Variants in TMEM94 observed in about 807,000 individuals in gnomAD.
The protein encoded by TMEM94 is ER Mg2+ ATPase.
Under a neutral mutation model 158.6 loss-of-function variants are expected in TMEM94, and 81 were observed. The observed-to-expected ratio is 0.51, with a 90% CI of 0.43 to 0.61. The LOEUF (loss-of-function observed/expected upper bound fraction) is 0.61, where lower values mean the gene tolerates loss of function less well. Ranked by LOEUF, TMEM94 falls within the 20% of genes least tolerant of loss-of-function variation. The pLI is 0.00. For synonymous variants in TMEM94, 751 were observed against 730.7 expected (o/e 1.03, Z -0.45); for missense variants, 1,435 against 1,762.0 (o/e 0.81, Z 3.32).
Position 75,493,829 on chromosome 17 carries a change from G to T in TMEM94, c.2320G>T (p.Gly774Cys). Residue 774 changes from glycine (G) to cysteine (C), a missense_variant, in exon 18 of 32, where the codon GGC becomes TGC. Physicochemically the swap from Gly to Cys is radical, Grantham distance 159. Around this residue, in one of 3 missense-constraint regions of TMEM94, gnomAD observed 1,051 missense variants for 1,254.4 expected, o/e 0.84. Coordinates refer to ENST00000314256, the MANE Select transcript of TMEM94 (RefSeq NM_014738.6). ...GKCIELVQVP[G>C]QSSIFTMCEL... Reference sequence around the variant, plus strand: ...GTGCATCGAGCTGGTACAGGTGCCCGGCCAAAGCAGCATCTTCACCATGTG... The same window carrying T: ...GTGCATCGAGCTGGTACAGGTGCCCTGCCAAAGCAGCATCTTCACCATGTG... 1 of 1,613,684 alleles carries T rather than the reference G, an allele frequency of 6.2e-7. No homozygotes were observed. Among genetic ancestry groups the T allele is most frequent in the Non-Finnish European group, 8.5e-7 (1 of 1,180,006 alleles).
At position 75,495,078 on chromosome 17, in the gene TMEM94, G is replaced by A; in HGVS notation, c.2728+44G>A. The A allele has an allele frequency of 3.1e-6, 5 of 1,599,052 alleles. No homozygotes were observed. Among genetic ancestry groups the A allele is most frequent in the Middle Eastern group, 1.9e-4 (1 of 5,148 alleles). ...GGTGGGGACGGGGTGGCGGTGGGAG[G>A]ATTCCCCTCCTCAGAGCCACAGCCA... is the stretch of plus-strand genomic sequence containing the variant. On this transcript the variant is annotated intron_variant, in intron 20 of 31. Transcript: ENST00000314256. This position sits in a 1 kb window ranked among gnomAD's most constrained non-coding sequence, Gnocchi z 5.6.
Position 75,493,074 on chromosome 17 carries a change from C to G in TMEM94, c.2058C>G (p.Ile686Met). The change falls in exon 16 of 32, where the codon ATC (isoleucine) becomes ATG (methionine). Residue 686 changes from isoleucine to methionine, a missense_variant. Physicochemically the swap from Ile to Met is conservative, Grantham distance 10. Coordinates refer to ENST00000314256, the MANE Select transcript of TMEM94 (RefSeq NM_014738.6). ...TKRRPPLSHM[I>M]SLFIKDTTTS... ...GGCGGCCTCCCCTCAGCCACATGAT[C>G]AGCCTCTTCATTAAAGACACCACCA... 1.2e-6 allele frequency: 2 copies of G among 1,613,362 alleles called. No homozygotes were observed. Among genetic ancestry groups the G allele is most frequent in the Non-Finnish European group, 1.7e-6 (2 of 1,180,020 alleles).
intron 5 of TMEM94, 34 bp downstream of exon 5, chr17:75,486,460 G>A: frequency 6.2e-7 from 1 of 1,613,916 alleles, no homozygotes; most frequent in Non-Finnish European, 8.5e-7. Flanking sequence ...GGTGGGAAAA[G>A]ATGACCGGAC....
chr17:75,492,303 G>A lies in TMEM94; in HGVS notation c.1597-171G>A. 5 of 1,429,554 alleles carry A rather than the reference G, an allele frequency of 3.5e-6. No homozygotes were observed. The highest frequency in any genetic ancestry group is 4.6e-6 in the Non-Finnish European group (5 of 1,096,742). The allele number at this position is 1,429,554 out of a possible 1,614,324, so 88.6% of individuals were successfully genotyped here. On this transcript the variant is annotated intron_variant, in intron 14 of 31. Transcript: ENST00000314256. The surrounding 1 kb of genome is among the most constrained non-coding windows in gnomAD (Gnocchi z 4.4). ...AGCAGACAGGAGCCCAAGAAGGACA[G>A]GAAGCGGATTTCAGGAGGGAGCGGG... is the stretch of plus-strand genomic sequence containing the variant.
Position 75,498,928 on chromosome 17 carries a change from G to C in TMEM94, c.3844G>C (p.Val1282Leu), listed in dbSNP as rs771258147. 1 of 1,556,840 alleles carries C rather than the reference G, an allele frequency of 6.4e-7. No homozygotes were observed. The highest frequency in any genetic ancestry group is 8.7e-7 in the Non-Finnish European group (1 of 1,151,478). The change falls in exon 31 of 32, where the codon GTC (valine) becomes CTC (leucine). Residue 1282 changes from valine to leucine, a missense_variant. By Grantham distance (32) the Val-to-Leu change is conservative. Around this residue, in one of 3 missense-constraint regions of TMEM94, gnomAD observed 335 missense variants for 409.1 expected, o/e 0.82. Transcript: ENST00000314256. This position sits in a 1 kb window ranked among gnomAD's most constrained non-coding sequence, Gnocchi z 6.7. ...TVPVVLLGQVVQTAVDLQLWT... is the reference protein window; with the variant it reads ...TVPVVLLGQVLQTAVDLQLWT... ...CTCCTGCAGGCTGCTGGGTCAGGTG[G>C]TCCAGACGGCTGTGGACCTGCAGCT... is the stretch of plus-strand genomic sequence containing the variant.
Position 75,496,744 on chromosome 17 carries a change from C to T in TMEM94, c.3258C>T (p.Thr1086=). 1 of 1,613,824 alleles carries T rather than the reference C, an allele frequency of 6.2e-7. No individual in the cohort carries two copies. The highest frequency in any genetic ancestry group is 8.5e-7 in the Non-Finnish European group (1 of 1,179,934). Reference sequence around the variant, plus strand: ...TTGGTCCCTAGGCTCGGCATGCCACCTATGGCATCCGTAAGTGCTTCCTCT... The same window carrying T: ...TTGGTCCCTAGGCTCGGCATGCCACTTATGGCATCCGTAAGTGCTTCCTCT... The part of the protein sequence containing the change: ...IRLIEQARHA[T]YGIRKCFLFL... The change falls in exon 25 of 32, where the codon ACC becomes ACT. Residue 1086 remains threonine (T), a synonymous_variant. Coordinates refer to ENST00000314256, the MANE Select transcript of TMEM94 (RefSeq NM_014738.6).
chr17:75,497,958 G>A, intron 27 of TMEM94, 96 bp downstream of exon 27: 1 of 1,259,298 alleles, frequency 7.9e-7, no homozygotes, highest in South Asian at 1.3e-5. Flanking sequence ...GCTCTGGATG[G>A]GGGATTCCAG....
In TMEM94 at chr17:75,494,388, CT is replaced by C. The variant is rs559341087; in HGVS notation, c.2408-238del. Among the ~76,000 whole-genome samples, 1,388 of 152,338 alleles carry C rather than the reference CT, an allele frequency of 9.1e-3. 13 individuals are homozygous for C. The highest frequency in any genetic ancestry group is 0.013 in the Non-Finnish European group (900 of 68,020). ...TTGCTGAGGGTAGGGCCAGTACCCC[CT>C]GGGCAGGAGCTGAAGCCACGCCTTG... On this transcript the variant is annotated intron_variant, in intron 18 of 31. Coordinates refer to ENST00000314256, the MANE Select transcript of TMEM94 (RefSeq NM_014738.6).
intron 2 of TMEM94, among the ~76,000 whole-genome samples, chr17:75,479,361 C>T (rs543408633): frequency 3.2e-4 from 48 of 151,988 alleles, no homozygotes; most frequent in Admixed American, 3.9e-4. Flanking sequence ...GCTCTGTTGC[C>T]GAAGCTGGAG....
chr17:75,489,430 G>T lies in TMEM94; in HGVS notation c.867+62G>T, dbSNP rs902239971. The T allele has an allele frequency of 1.3e-6, 2 of 1,539,206 alleles. No individual in the cohort carries two copies. The highest frequency in any genetic ancestry group is 1.7e-5 in the Admixed American group (1 of 59,760). ...AGAGGAGAGGGCTGGACACGGGGGG[G>T]TCTCAGGGCCACTCACATGAGCGGG... On this transcript the variant is annotated intron_variant, in intron 8 of 31. Coordinates refer to ENST00000314256, the MANE Select transcript of TMEM94 (RefSeq NM_014738.6). The surrounding 1 kb of genome is among the most constrained non-coding windows in gnomAD (Gnocchi z 5.0).
chr17:75,459,325 G>T (rs1489811499), intron 1 of TMEM94, among the ~76,000 whole-genome samples: 1 of 152,174 alleles, frequency 6.6e-6, no homozygotes, highest in Non-Finnish European at 1.5e-5. Flanking sequence ...AGAGTTAACT[G>T]CCCTTGAACC....
chr17:75,485,409 G>A lies in TMEM94; in HGVS notation c.25-19G>A, dbSNP rs761438008. 4.4e-6 allele frequency: 7 copies of A among 1,605,866 alleles called. No individual in the cohort carries two copies. The highest frequency in any genetic ancestry group is 3.3e-5 in the South Asian group (3 of 90,954). On this transcript the variant is annotated intron_variant, in intron 2 of 31. Transcript: ENST00000314256. This position sits in a 1 kb window ranked among gnomAD's most constrained non-coding sequence, Gnocchi z 5.5. ...CCTTGGCCTGGCAGTGACGCCCAGC[G>A]CCTCCTGCTTGCCTGCAGGGCGAGC...
In TMEM94 at chr17:75,495,374, C is replaced by G; in HGVS notation, c.2819C>G (p.Pro940Arg). 1 of 1,613,894 alleles carries G rather than the reference C, an allele frequency of 6.2e-7. No individual in the cohort carries two copies. The highest frequency in any genetic ancestry group is 8.5e-7 in the Non-Finnish European group (1 of 1,179,960). ...ISFQPTDSDI[P>R]SFLEDSNRAK... Reference sequence around the variant, plus strand: ...TTCCAGCCTACGGACAGCGACATCCCCAGCTTCCTGGAGGACTCCAACCGG... The same window carrying G: ...TTCCAGCCTACGGACAGCGACATCCGCAGCTTCCTGGAGGACTCCAACCGG... Residue 940 changes from proline to arginine, a missense_variant, in exon 21 of 32, where the codon CCC becomes CGC. By Grantham distance (103) the Pro-to-Arg change is moderately radical. Transcript: ENST00000314256. This position sits in a 1 kb window ranked among gnomAD's most constrained non-coding sequence, Gnocchi z 5.6.
intron 2 of TMEM94, among the ~76,000 whole-genome samples, chr17:75,472,871 A>G (rs2050550131): frequency 6.6e-6 from 1 of 152,028 alleles, no homozygotes; most frequent in Admixed American, 6.5e-5. Context: ...TTCCTTCAAG[A>G]CCTAGTTTTG....
chr17:75,488,696 G>A, intron 6 of TMEM94, 63 bp from the exon 7 acceptor site: 2 of 1,589,510 alleles, frequency 1.3e-6, no homozygotes, highest in South Asian at 2.3e-5. Flanking sequence ...TAGATGAATT[G>A]TCCAGGAAGA....
chr17:75,494,532 A>G (rs2052503921), intron 18 of TMEM94, 95 bp from the exon 19 acceptor site: 3 of 1,291,816 alleles, frequency 2.3e-6, no homozygotes, highest in Non-Finnish European at 3.2e-6. Context: ...TGGGGCCCAT[A>G]TGCTCATTGA....
At position 75,491,537 on chromosome 17, in the gene TMEM94, G is replaced by A. The variant is rs2052186820; in HGVS notation, c.1386+82G>A. ...GCCTTGGAGCCTGGCCAGGGAGGGTGAGGTTTCGGAGGGCGAAGGAGGGTT... is the reference window on the plus strand; with the variant it reads ...GCCTTGGAGCCTGGCCAGGGAGGGTAAGGTTTCGGAGGGCGAAGGAGGGTT... On this transcript the variant is annotated intron_variant, in intron 13 of 31. Transcript: ENST00000314256. This position sits in a 1 kb window ranked among gnomAD's most constrained non-coding sequence, Gnocchi z 5.1. The A allele has an allele frequency of 1.9e-5, 31 of 1,600,706 alleles. No individual in the cohort carries two copies. Among genetic ancestry groups the A allele is most frequent in the Admixed American group, 3.4e-5 (2 of 59,624 alleles).
At chr17:75,473,438 T>C (rs778598956) in intron 2 of TMEM94, among the ~76,000 whole-genome samples, 8 of 152,220 alleles carry the variant, frequency 5.3e-5, no homozygotes, top group Admixed American at 1.3e-4. Flanking sequence ...TCTGCTGTTA[T>C]GCAATGCGGT....
intron 2 of TMEM94, among the ~76,000 whole-genome samples, chr17:75,478,753 C>CTCTTCTTCCCTGG (rs1193202756): frequency 6.6e-6 from 1 of 152,206 alleles, no homozygotes; most frequent in Non-Finnish European, 1.5e-5. Flanking sequence ...GCAGTGAAAA[C>CTCTTCTTCCCTGG]AGCGGAATGG....
Sources: allele counts gnomAD v4.1 joint callset (sites outside exome capture counted in the v4.1 genomes callset), GRCh38; gene constraint gnomAD v4.1.1; regional missense constraint gnomAD v4.1.1; non-coding constraint Gnocchi (gnomAD v3.1); transcripts MANE v1.5; gene names NCBI Gene and HGNC (gene_info 2026-07-23, HGNC 2026-07-21).